Variants in ANKRD30A observed in about 807,000 individuals in gnomAD.
ANKRD30A encodes ankyrin repeat domain 30A, also known as ankyrin repeat domain-containing protein 30A.
ANKRD30A carries 170 observed loss-of-function variants against 166.3 expected under a neutral mutation model. The ratio of observed to expected loss-of-function variants is 1.02; its 90% CI spans 0.90 to 1.16. ANKRD30A has a LOEUF of 1.16. ANKRD30A is among the 50% of genes most tolerant of loss of function. The pLI, the probability that ANKRD30A is intolerant of heterozygous loss-of-function variation, is 0.00. For synonymous variants in ANKRD30A, 564 were observed against 508.9 expected (o/e 1.11, Z -1.46); for missense variants, 1,630 against 1,518.0 (o/e 1.07, Z -1.23).
rs1162529019 is a variant in ANKRD30A at position 37,193,273 on chromosome 10, T to A, written c.2614+15T>A. ...TTTCAAAGCAGGTAAATTTTGTAAT[T>A]TTAATTTTACTCTGGAAAGAAGAAT... On this transcript the variant is annotated intron_variant, in intron 27 of 35. Coordinates refer to ENST00000361713, the MANE Select transcript of ANKRD30A (RefSeq NM_052997.3). The A allele has an allele frequency of 6.2e-7, 1 of 1,603,480 alleles. No homozygotes were observed. The highest frequency in any genetic ancestry group is 1.3e-5 in the African/African-American group (1 of 74,380).
chr10:37,236,317 G>A (rs534045254), downstream of ANKRD30A, among the ~76,000 whole-genome samples: 34 of 152,220 alleles, frequency 2.2e-4, no homozygotes, highest in Admixed American at 1.6e-3. Context: ...GGGAAGACAT[G>A]GCTCAGATGT....
chr10:37,225,936 A>G (rs1028098296), intron 34 of ANKRD30A, among the ~76,000 whole-genome samples: 2 of 151,648 alleles, frequency 1.3e-5, no homozygotes, highest in Non-Finnish European at 2.9e-5. Context: ...AAAATTCGGC[A>G]TTCTTTGTCA....
At chr10:37,262,697 A>G in the ANKRD30A span, among the ~76,000 whole-genome samples, 13 of 152,334 alleles carry the variant, frequency 8.5e-5, no homozygotes, top group African/African-American at 2.9e-4. Flanking sequence ...GCAAATTTGC[A>G]ATCCAAATTC....
chr10:37,229,347 A>G (rs1196642574), intron 34 of ANKRD30A, among the ~76,000 whole-genome samples: 1 of 151,828 alleles, frequency 6.6e-6, no homozygotes, highest in East Asian at 1.9e-4. Flanking sequence ...AATGAGATGA[A>G]TTGTTTTATA....
intron 3 of ANKRD30A, among the ~76,000 whole-genome samples, chr10:37,131,095 TAGAA>T (rs1408046340): frequency 1.3e-5 from 2 of 152,190 alleles, no homozygotes; most frequent in Non-Finnish European, 2.9e-5. Flanking sequence ...CATCTTCTAT[TAGAA>T]TGCCTTTAAG....
intron 27 of ANKRD30A, 136 bp from the exon 28 acceptor site, chr10:37,197,145 A>G: frequency 7.8e-7 from 1 of 1,281,482 alleles, no homozygotes; most frequent in Non-Finnish European, 1.1e-6. Context: ...ACAAACCAAA[A>G]GAAAACTTTC....
At chr10:37,231,221 G>A (rs1406762183) in intron 34 of ANKRD30A, among the ~76,000 whole-genome samples, 6 of 150,432 alleles carry the variant, frequency 4.0e-5, no homozygotes, top group Non-Finnish European at 7.4e-5. Context: ...TAGTCATGGC[G>A]GCAAAAAAAA....
chr10:37,235,265 A>G (rs1378167973), downstream of ANKRD30A, among the ~76,000 whole-genome samples: 1 of 152,188 alleles, frequency 6.6e-6, no homozygotes, highest in Non-Finnish European at 1.5e-5. Context: ...GTCTTTAAAT[A>G]TATGTGTGGA....
At chr10:37,231,315 T>C (rs1354020383) in intron 34 of ANKRD30A, 146 bp from the exon 35 acceptor site, 2 of 493,820 alleles carry the variant, frequency 4.1e-6, no homozygotes, top group Admixed American at 3.8e-5. Flanking sequence ...CTAGGCATGC[T>C]CTCACACATC....
chr10:37,255,221 G>A, the ANKRD30A span, among the ~76,000 whole-genome samples: 1 of 152,094 alleles, frequency 6.6e-6, no homozygotes, highest in Admixed American at 6.5e-5. Flanking sequence ...TAAATAATGT[G>A]TACACATGAA....
chr10:37,126,668 T>C (rs922287628), intron 1 of ANKRD30A, among the ~76,000 whole-genome samples: 15 of 152,312 alleles, frequency 9.8e-5, no homozygotes, highest in Admixed American at 7.2e-4. Flanking sequence ...ACACAGGCTG[T>C]CTTTTACTAT....
At chr10:37,151,930 C>T (rs181851505) in intron 11 of ANKRD30A, 130 bp from the exon 12 acceptor site, 15 of 737,918 alleles carry the variant, frequency 2.0e-5, no homozygotes, top group South Asian at 6.4e-5. Context: ...TTATTGTAAT[C>T]GACAAAAAGA....
chr10:37,260,949 C>G, the ANKRD30A span, among the ~76,000 whole-genome samples: 6 of 152,124 alleles, frequency 3.9e-5, no homozygotes, highest in Admixed American at 2.0e-4. Context: ...GTGCTATGCT[C>G]ACTACCTGGA....
rs577242201 is a variant in ANKRD30A at position 37,160,714 on chromosome 10, C to T, written c.1901-1935C>T. Among the ~76,000 whole-genome samples the T allele has an allele frequency of 2.6e-5, 4 of 152,014 alleles. No homozygotes were observed. The South Asian group carries it at 8.3e-4, about 32-fold the overall frequency. On this transcript the variant is annotated intron_variant, in intron 15 of 35. Coordinates refer to ENST00000361713, the MANE Select transcript of ANKRD30A (RefSeq NM_052997.3). ...TCTCATGGCACTGTGCTCTCTTTTTCCCTAGAGAGGATCTAGACTTTTCAT... is the reference window on the plus strand; with the variant it reads ...TCTCATGGCACTGTGCTCTCTTTTTTCCTAGAGAGGATCTAGACTTTTCAT...
the ANKRD30A span, among the ~76,000 whole-genome samples, chr10:37,243,934 A>G: frequency 6.6e-6 from 1 of 152,054 alleles, no homozygotes; most frequent in Non-Finnish European, 1.5e-5. Flanking sequence ...AAGGAGCACC[A>G]CTTACCATTA....
chr10:37,161,636 C>A (rs1564509776), intron 15 of ANKRD30A, among the ~76,000 whole-genome samples: 1 of 152,064 alleles, frequency 6.6e-6, no homozygotes, highest in Non-Finnish European at 1.5e-5. Flanking sequence ...ACTCCAGAGA[C>A]TACCGGAAGC....
chr10:37,153,549 T>C (rs1429357984), intron 12 of ANKRD30A, 23 bp from the exon 13 acceptor site: 1 of 1,608,864 alleles, frequency 6.2e-7, no homozygotes, highest in Admixed American at 1.7e-5. Flanking sequence ...ATTGAAATTA[T>C]TTATTGCTAT....
At chr10:37,226,975 A>T (rs1431714635) in intron 34 of ANKRD30A, among the ~76,000 whole-genome samples, 2 of 151,852 alleles carry the variant, frequency 1.3e-5, no homozygotes, top group African/African-American at 4.8e-5. Flanking sequence ...CTTTGGAGAA[A>T]TGTCTCTTTC....
chr10:37,195,560 A>G (rs1224728123), intron 27 of ANKRD30A, among the ~76,000 whole-genome samples: 1 of 152,148 alleles, frequency 6.6e-6, no homozygotes, highest in Non-Finnish European at 1.5e-5. Context: ...CAACCACATT[A>G]CTTTAGAAAA....
Sources: allele counts gnomAD v4.1 joint callset (sites outside exome capture counted in the v4.1 genomes callset), GRCh38; gene constraint gnomAD v4.1.1; transcripts MANE v1.5; gene names NCBI Gene and HGNC (gene_info 2026-07-23, HGNC 2026-07-21).